Variants in PLEKHD1 observed in about 807,000 individuals in gnomAD.
PLEKHD1 encodes pleckstrin homology domain-containing family D member 1.
PLEKHD1 carries 51 observed loss-of-function variants against 69.2 expected under a neutral mutation model. The ratio of observed to expected loss-of-function variants is 0.74; its 90% CI spans 0.59 to 0.93. The LOEUF (loss-of-function observed/expected upper bound fraction) is 0.93. Among genes scored for constraint, PLEKHD1 ranks in the 40% least tolerant of loss-of-function variants. PLEKHD1 has a pLI of 0.00. For missense variants in PLEKHD1, 584 were observed against 641.0 expected (o/e 0.91, Z 0.96); for synonymous variants, 236 against 244.7 (o/e 0.96, Z 0.33).
At chr14:69,490,605 G>C (rs1245584909) in intron 1 of PLEKHD1, among the ~76,000 whole-genome samples, 1 of 152,166 alleles carries the variant, frequency 6.6e-6, no homozygotes, top group Non-Finnish European at 1.5e-5. Flanking sequence ...CCTTGGACTT[G>C]ATAATCTCTC....
At chr14:69,500,320 T>C (rs1882994740) in intron 2 of PLEKHD1, 112 bp downstream of exon 2, 6 of 958,102 alleles carry the variant, frequency 6.3e-6, no homozygotes, top group Non-Finnish European at 7.8e-6. Context: ...GCAGAGAGTC[T>C]GGAGAGCAAA....
intron 10 of PLEKHD1, 117 bp downstream of exon 10, chr14:69,526,946 A>G (rs1738516364): frequency 7.2e-7 from 1 of 1,392,114 alleles, no homozygotes; most frequent in Admixed American, 2.9e-5. Context: ...CCAGACAGCC[A>G]GGCATGGGGG....
At chr14:69,490,734 A>G (rs1176008207) in intron 1 of PLEKHD1, among the ~76,000 whole-genome samples, 2 of 152,308 alleles carry the variant, frequency 1.3e-5, no homozygotes, top group South Asian at 2.1e-4. Context: ...TGAGCACACC[A>G]GGCCATCCAG....
chr14:69,523,250 T>A (rs1883562063), intron 7 of PLEKHD1, among the ~76,000 whole-genome samples: 1 of 152,116 alleles, frequency 6.6e-6, no homozygotes, highest in Non-Finnish European at 1.5e-5. Flanking sequence ...TATATATTTT[T>A]TAAAAACACC....
the PLEKHD1 span, among the ~76,000 whole-genome samples, chr14:69,468,582 TTTC>T: frequency 1.3e-5 from 2 of 152,124 alleles, no homozygotes; most frequent in Admixed American, 6.6e-5. Context: ...TCTTTCTTTC[TTTC>T]TTTTCTTTCT....
At chr14:69,500,438 GGCCTCTGTCCCATGGCCCC>G (rs1306548356) in intron 2 of PLEKHD1, 120 bp from the exon 3 acceptor site, 2 of 726,442 alleles carry the variant, frequency 2.8e-6, no homozygotes, top group Non-Finnish European at 4.5e-6. Flanking sequence ...CATCAGTTCT[GGCCTCTGTCCCATGGCCCC>G]AGGGTCTAGC....
chr14:69,490,909 A>G (rs953820152), intron 1 of PLEKHD1, among the ~76,000 whole-genome samples: 1 of 152,120 alleles, frequency 6.6e-6, no homozygotes, highest in African/African-American at 2.4e-5. Context: ...TGCTGGGCCT[A>G]TTCTGGAAGT....
At chr14:69,503,003 G>C in intron 6 of PLEKHD1, 124 bp downstream of exon 6, 1 of 1,171,336 alleles carries the variant, frequency 8.5e-7, no homozygotes, top group East Asian at 2.6e-5. Flanking sequence ...GGGGCAGGGC[G>C]GGGAGGCCAA....
rs1429499069 is a variant in PLEKHD1 at position 69,525,081 on chromosome 14, G to A, written c.744+759G>A. ...AATATCTCCTCAGTCAAGCTTCTCT[G>A]ATTTTCAAGGCAGGTATCTACTCTG... is the stretch of plus-strand genomic sequence containing the variant. On this transcript the variant is annotated intron_variant, in intron 8 of 12. Coordinates refer to ENST00000322564, the MANE Select transcript of PLEKHD1 (RefSeq NM_001161498.2). Among the ~76,000 whole-genome samples the A allele has an allele frequency of 2.6e-5, 4 of 152,252 alleles. No individual in the cohort carries two copies. In the South Asian group the frequency reaches 6.2e-4, roughly 24 times the overall value.
intron 1 of PLEKHD1, among the ~76,000 whole-genome samples, chr14:69,496,603 T>G (rs1027165596): frequency 1.3e-5 from 2 of 151,972 alleles, no homozygotes; most frequent in African/African-American, 2.4e-5. Context: ...AGTGGTGGTG[T>G]GATCACGGCT....
chr14:69,528,550 G>C lies in PLEKHD1; in HGVS notation c.*131G>C. 8 of 1,256,262 alleles carry C rather than the reference G, an allele frequency of 6.4e-6. No homozygotes were observed. Among genetic ancestry groups the C allele is most frequent in the Non-Finnish European group, 8.6e-6 (8 of 933,928 alleles). The allele number at this position is 1,256,262 out of a possible 1,614,324, so 77.8% of individuals were successfully genotyped here. ...GAGCCTATGTCTCCTCTGGGCCGGA[G>C]CTCCACTTGGGGGCCAGCCTTGCCC... On this transcript the variant is annotated 3_prime_UTR_variant, in exon 13 of 13. Coordinates refer to ENST00000322564, the MANE Select transcript of PLEKHD1 (RefSeq NM_001161498.2).
At chr14:69,494,285 T>G (rs759155871) in intron 1 of PLEKHD1, among the ~76,000 whole-genome samples, 2 of 152,166 alleles carry the variant, frequency 1.3e-5, no homozygotes, top group East Asian at 3.9e-4. Flanking sequence ...CTTAGGTAAC[T>G]TGCCCCAGTC....
chr14:69,476,085 CTG>C, the PLEKHD1 span, among the ~76,000 whole-genome samples: 3 of 152,004 alleles, frequency 2.0e-5, no homozygotes, highest in African/African-American at 7.3e-5. Context: ...TGGCAAAATC[CTG>C]TCTCTACTAA....
At chr14:69,489,187 C>A (rs1451907849) in intron 1 of PLEKHD1, among the ~76,000 whole-genome samples, 2 of 152,190 alleles carry the variant, frequency 1.3e-5, no homozygotes, top group African/African-American at 4.8e-5. Context: ...AGACCTCCAG[C>A]TTGCAGAGAG....
intron 8 of PLEKHD1, among the ~76,000 whole-genome samples, 171 bp from the exon 9 acceptor site, chr14:69,525,773 T>C (rs1337514384): frequency 2.6e-5 from 4 of 152,142 alleles, no homozygotes; most frequent in Admixed American, 2.6e-4. Context: ...CCTTGCCCTG[T>C]TGTGGGAGAG....
At chr14:69,502,388 T>C in intron 5 of PLEKHD1, 1 of 233,140 alleles carries the variant, frequency 4.3e-6, no homozygotes, top group Non-Finnish European at 8.5e-6. Flanking sequence ...AAGATGAGAC[T>C]GAGGGTTTGC....
chr14:69,522,849 T>G (rs1006434880), intron 7 of PLEKHD1, among the ~76,000 whole-genome samples: 1 of 152,194 alleles, frequency 6.6e-6, no homozygotes, highest in Non-Finnish European at 1.5e-5. Context: ...TTATAATCTT[T>G]TAAAGGTAGA....
the PLEKHD1 span, among the ~76,000 whole-genome samples, chr14:69,476,886 C>G: frequency 6.6e-6 from 1 of 152,224 alleles, no homozygotes; most frequent in African/African-American, 2.4e-5. Flanking sequence ...ATTGGACTTA[C>G]AGTTCCATGC....
chr14:69,505,761 C>T lies in PLEKHD1; in HGVS notation c.555+2882C>T, dbSNP rs1227296802. ...CTGTGTGATGTACAGTCCTGACATCCTCCATGCAGCAGAAAAGTCCTGGGA... is the reference window on the plus strand; with the variant it reads ...CTGTGTGATGTACAGTCCTGACATCTTCCATGCAGCAGAAAAGTCCTGGGA... On this transcript the variant is annotated intron_variant, in intron 6 of 12. Coordinates refer to ENST00000322564, the MANE Select transcript of PLEKHD1 (RefSeq NM_001161498.2). Among the ~76,000 whole-genome samples the T allele has an allele frequency of 2.0e-5, 3 of 152,348 alleles. No individual in the cohort carries two copies. The East Asian group carries it at 5.8e-4, about 29-fold the overall frequency.
Sources: gnomAD v4.1 joint callset for allele counts (sites outside exome capture counted in the v4.1 genomes callset) on GRCh38, gnomAD v4.1.1 for gene constraint, MANE v1.5 for transcripts, NCBI Gene and HGNC (gene_info 2026-07-23, HGNC 2026-07-21) for gene names.